The following FRYL variants were observed in gnomAD, a reference collection of about 807,000 sequenced individuals.
FRYL encodes the protein FRY like transcription coactivator, also known as protein furry homolog-like.
FRYL carries 150 observed loss-of-function variants against 351.2 expected under a neutral mutation model. The ratio of observed to expected loss-of-function variants is 0.43; its 90% CI spans 0.37 to 0.49. The LOEUF is 0.49. Ranked by LOEUF, FRYL falls within the 20% of genes least tolerant of loss-of-function variation. The pLI, the probability that FRYL is intolerant of heterozygous loss-of-function variation, is 0.00. For missense variants in FRYL, 3,036 were observed against 3,619.3 expected (o/e 0.84, Z 4.13); for synonymous variants, 1,153 against 1,257.1 (o/e 0.92, Z 1.75).
chr4:48,506,452 T>C lies in FRYL; in HGVS notation c.8395-837A>G, dbSNP rs1429998067. 4.0e-5 allele frequency: 6 copies of C among 151,494 alleles called. No individual in the cohort carries two copies. In the Middle Eastern group the frequency reaches 0.01, roughly 259 times the overall value. 9.4% of individuals were successfully genotyped at this position (151,494 alleles called of 1,614,324 possible). Reference sequence around the variant, plus strand: ...AAATATAAATAAAACAATAGCACCGTGGTATAGTAGAAAAGAAAGAACGCT... The same window carrying C: ...AAATATAAATAAAACAATAGCACCGCGGTATAGTAGAAAAGAAAGAACGCT... On this transcript the variant is annotated intron_variant, in intron 59 of 63. Transcript: ENST00000358350.
At chr4:48,655,874 C>T (rs986924054) in intron 3 of FRYL, among the ~76,000 whole-genome samples, 5 of 140,268 alleles carry the variant, frequency 3.6e-5, no homozygotes, top group African/African-American at 7.7e-5. Context: ...CATATATACA[C>T]ATACATGTAT....
At chr4:48,587,662 G>C (rs2149191846) in intron 18 of FRYL, among the ~76,000 whole-genome samples, 1 of 152,120 alleles carries the variant, frequency 6.6e-6, no homozygotes, top group South Asian at 2.1e-4. Flanking sequence ...TCCTGCCTCA[G>C]CCTCCCGAGT....
Position 48,523,042 on chromosome 4 carries a change from T to C in FRYL, c.7380A>G (p.Lys2460=). 6.2e-7 allele frequency: 1 copy of C among 1,613,930 alleles called. No individual in the cohort carries two copies. Among genetic ancestry groups the C allele is most frequent in the Non-Finnish European group, 8.5e-7 (1 of 1,179,884 alleles). Residue 2460 remains lysine, a synonymous_variant, in exon 54 of 64, where the codon AAA becomes AAG. Coordinates refer to ENST00000358350, the MANE Select transcript of FRYL (RefSeq NM_015030.2). ...VRRRSLDSID[K]GDTPSLQEYQ... is the part of the protein sequence containing the mutation. ...ACTCCTGGAGGGATGGAGTGTCCCC[T>C]TTGTCAATACTGTCCAGTGAGCGCC...
At chr4:48,636,569 G>A (rs1754270985) in intron 3 of FRYL, among the ~76,000 whole-genome samples, 1 of 151,678 alleles carries the variant, frequency 6.6e-6, no homozygotes, top group Admixed American at 6.6e-5. Context: ...TGCCTTTACT[G>A]TCTTCTACTT....
rs1247661232 is a variant in FRYL at position 48,497,577 on chromosome 4, A to G, written c.*1845T>C. The G allele has an allele frequency of 6.6e-6, 1 of 152,626 alleles. No individual in the cohort carries two copies. The highest frequency in any genetic ancestry group is 6.5e-5 in the Admixed American group (1 of 15,280). The allele number at this position is 152,626 out of a possible 1,614,324, so 9.5% of individuals were successfully genotyped here. Reference sequence around the variant, plus strand: ...AATACAACACAAACCAACAGCTACAATGCTTTTTATTTTTAACAAAAAGGA... The same window carrying G: ...AATACAACACAAACCAACAGCTACAGTGCTTTTTATTTTTAACAAAAAGGA... On this transcript the variant is annotated 3_prime_UTR_variant, in exon 64 of 64. Transcript: ENST00000358350.
rs1767888124 is a variant in FRYL, at chr4:48,710,532, T to C, written c.-217A>G. Reference sequence around the variant, plus strand: ...ACATGTCCTTACCACTTAGAAATGGTTGTTGAGGCACAGAGTTTGTAGAAA... The same window carrying C: ...ACATGTCCTTACCACTTAGAAATGGCTGTTGAGGCACAGAGTTTGTAGAAA... On this transcript the variant is annotated 5_prime_UTR_variant, in exon 2 of 64. Transcript: ENST00000358350. 2.5e-6 allele frequency: 1 copy of C among 398,560 alleles called. No homozygotes were observed. The allele number at this position is 398,560 out of a possible 1,614,324, so 24.7% of individuals were successfully genotyped here. A position where few individuals can be genotyped will look rare whatever the true frequency, so the allele number is the denominator to read the frequency against.
chr4:48,715,251 T>C (rs919081320), intron 1 of FRYL, among the ~76,000 whole-genome samples: 8 of 151,340 alleles, frequency 5.3e-5, no homozygotes, highest in African/African-American at 1.9e-4. Flanking sequence ...CTATTCAACA[T>C]AGTGTTGGAA....
intron 15 of FRYL, 136 bp from the exon 16 acceptor site, chr4:48,594,152 A>G: frequency 2.1e-6 from 1 of 466,506 alleles, no homozygotes; most frequent in Non-Finnish European, 3.8e-6. Flanking sequence ...AGAAAAATAC[A>G]TATGAATTAA....
At chr4:48,728,489 C>A (rs1201713337) in intron 1 of FRYL, among the ~76,000 whole-genome samples, 1 of 151,778 alleles carries the variant, frequency 6.6e-6, no homozygotes, top group Non-Finnish European at 1.5e-5. Flanking sequence ...GAATTTCCCC[C>A]AAATTAATGT....
Position 48,686,509 on chromosome 4 carries a change from T to TA in FRYL, c.-203-1715dup, listed in dbSNP as rs925142128. On this transcript the variant is annotated intron_variant, in intron 2 of 63. Transcript: ENST00000358350. ...CATGGAATCATTTCTCCCTCAAACC[T>TA]AAAAAAAAAACTAATGTGACAAATA... Among the ~76,000 whole-genome samples, 90 of 148,330 alleles carry TA rather than the reference T, an allele frequency of 6.1e-4. 2 individuals are homozygous for TA. Among genetic ancestry groups the TA allele is most frequent in the Non-Finnish European group, 3.1e-4 (21 of 66,704 alleles).
chr4:48,687,492 C>CGGGGGGGGGGGGGGGGGGG (rs561805370), intron 2 of FRYL, among the ~76,000 whole-genome samples: 1 of 46,566 alleles, frequency 2.1e-5, no homozygotes, highest in Non-Finnish European at 3.7e-5. Context: ...CAAATGAGGT[C>CGGGGGGGGGGGGGGGGGGG]GGGGGGGGGG....
intron 3 of FRYL, chr4:48,636,959 T>C (rs1754352442): frequency 1.3e-5 from 2 of 151,956 alleles, no homozygotes; most frequent in South Asian, 4.1e-4. Context: ...AAATACCAAA[T>C]GGCACAGGAA....
chr4:48,752,454 G>A (rs747418094), intron 1 of FRYL, among the ~76,000 whole-genome samples: 41 of 152,144 alleles, frequency 2.7e-4, no homozygotes, highest in Non-Finnish European at 5.6e-4. Flanking sequence ...TTACTTTTGT[G>A]CAATTGTAAT....
At chr4:48,610,390 TCCA>T (rs1426339438) in intron 7 of FRYL, among the ~76,000 whole-genome samples, 1 of 151,884 alleles carries the variant, frequency 6.6e-6, no homozygotes, top group Non-Finnish European at 1.5e-5. Context: ...GCCCTACTCC[TCCA>T]CCACATATAA....
Position 48,561,550 on chromosome 4 carries a change from T to G in FRYL, c.3783A>C (p.Pro1261=). 6.2e-7 allele frequency: 1 copy of G among 1,612,768 alleles called. No individual in the cohort carries two copies. The highest frequency in any genetic ancestry group is 1.1e-5 in the South Asian group (1 of 90,936). Residue 1261 remains proline, a synonymous_variant, in exon 33 of 64, where the codon CCA becomes CCC. Transcript: ENST00000358350. ...GATAATATGAAACAGAATAGAGATG[T>G]GGTAGAGGAGACAGCTGGCTGAGTA... ...DGVLSQLSPL[P]HLYSVSYYQL...
At chr4:48,602,995 C>A (rs1375399943) in intron 12 of FRYL, among the ~76,000 whole-genome samples, 2 of 152,142 alleles carry the variant, frequency 1.3e-5, no homozygotes, top group Non-Finnish European at 2.9e-5. Context: ...ATGATGTTTG[C>A]ACAATGAAAT....
chr4:48,628,022 C>G (rs1240492854), intron 4 of FRYL, among the ~76,000 whole-genome samples: 1 of 152,184 alleles, frequency 6.6e-6, no homozygotes, highest in Non-Finnish European at 1.5e-5. Context: ...CCATGCGCCT[C>G]AGCCTCCCAA....
rs527893448 is a variant in FRYL, at chr4:48,712,493, T to G, written c.-383-1795A>C. Among the ~76,000 whole-genome samples, 4 of 151,898 alleles carry G rather than the reference T, an allele frequency of 2.6e-5. No individual in the cohort carries two copies. In the East Asian group the frequency reaches 7.7e-4, roughly 29 times the overall value. ...GCGATGGAAGATGAAATGAAAGAAA[T>G]GAAGCGAGAAGGGAAGTTTAGAGAA... On this transcript the variant is annotated intron_variant, in intron 1 of 63. Coordinates refer to ENST00000358350, the MANE Select transcript of FRYL (RefSeq NM_015030.2).
At chr4:48,723,903 T>C (rs936951890) in intron 1 of FRYL, among the ~76,000 whole-genome samples, 4 of 148,820 alleles carry the variant, frequency 2.7e-5, no homozygotes, top group Admixed American at 2.0e-4. Context: ...CCAGGCAATA[T>C]AGTAAGACCC....
Sources: gnomAD v4.1 joint callset for allele counts (sites outside exome capture counted in the v4.1 genomes callset) on GRCh38, gnomAD v4.1.1 for gene constraint, MANE v1.5 for transcripts, NCBI Gene and HGNC (gene_info 2026-07-23, HGNC 2026-07-21) for gene names.